PXDNL: variants seen among roughly 807,000 people sequenced by gnomAD.
PXDNL encodes the protein peroxidasin like, also known as probable oxidoreductase PXDNL.
In PXDNL, 145 loss-of-function variants were observed where a neutral mutation model predicts 150.8. The observed-to-expected ratio is 0.96, with a 90% CI of 0.84 to 1.10. PXDNL has a LOEUF of 1.10. Among genes scored for constraint, PXDNL ranks in the 50% least tolerant of loss-of-function variants. PXDNL has a pLI of 0.00. For missense variants in PXDNL, 2,087 were observed against 1,873.9 expected (o/e 1.11, Z -2.10); for synonymous variants, 757 against 725.7 (o/e 1.04, Z -0.69).
intron 3 of PXDNL, among the ~76,000 whole-genome samples, chr8:51,575,835 A>G (rs1039888521): frequency 2.0e-5 from 3 of 152,084 alleles, no homozygotes; most frequent in Non-Finnish European, 4.4e-5. Context: ...AAGTTAGGTC[A>G]TGCAAACATC....
intron 17 of PXDNL, among the ~76,000 whole-genome samples, chr8:51,399,058 T>C (rs550305325): frequency 4.6e-5 from 7 of 152,118 alleles, no homozygotes; most frequent in African/African-American, 1.7e-4. Flanking sequence ...GAAAAATCAA[T>C]AGAATATTTC....
At chr8:51,327,309 A>T (rs1805530565) in intron 21 of PXDNL, among the ~76,000 whole-genome samples, 1 of 152,238 alleles carries the variant, frequency 6.6e-6, no homozygotes, top group African/African-American at 2.4e-5. Flanking sequence ...CGCCAGTGAA[A>T]GAAAAAACTC....
chr8:51,439,738 T>C (rs892638034), intron 12 of PXDNL, among the ~76,000 whole-genome samples: 3 of 151,138 alleles, frequency 2.0e-5, no homozygotes, highest in Non-Finnish European at 2.9e-5. Context: ...GGCAGGAGAA[T>C]TGCTTGAACC....
intron 8 of PXDNL, among the ~76,000 whole-genome samples, chr8:51,465,278 C>T (rs193146726): frequency 1.3e-5 from 2 of 152,120 alleles, no homozygotes. Flanking sequence ...TCATTCACCA[C>T]ATAAACAGAA....
At chr8:51,806,431 G>A (rs2037675984) in intron 1 of PXDNL, among the ~76,000 whole-genome samples, 2 of 152,092 alleles carry the variant, frequency 1.3e-5, no homozygotes, top group South Asian at 2.1e-4. Flanking sequence ...GCTTCCATTT[G>A]CCTTAGTTTT....
intron 22 of PXDNL, 134 bp from the exon 23 acceptor site, chr8:51,320,156 A>G (rs1045809565): frequency 1.3e-6 from 1 of 773,350 alleles, no homozygotes; most frequent in Non-Finnish European, 1.8e-6. Flanking sequence ...TCATAGTATG[A>G]GCTCATTTTT....
At chr8:51,410,215 C>T (rs893839400) in intron 16 of PXDNL, among the ~76,000 whole-genome samples, 31 of 152,192 alleles carry the variant, frequency 2.0e-4, no homozygotes, top group African/African-American at 7.0e-4. Context: ...GGCAAACGGG[C>T]AAAATAATAA....
chr8:51,710,912 C>A (rs972475224), intron 1 of PXDNL, among the ~76,000 whole-genome samples: 3 of 152,206 alleles, frequency 2.0e-5, no homozygotes, highest in Admixed American at 2.0e-4. Context: ...ACAGCCCTCA[C>A]ACTCCATGGT....
At chr8:51,676,707 C>T (rs934481093) in intron 1 of PXDNL, among the ~76,000 whole-genome samples, 7 of 151,676 alleles carry the variant, frequency 4.6e-5, no homozygotes, top group African/African-American at 1.7e-4. Flanking sequence ...TGCCAAATGC[C>T]TCCATCTCTT....
At chr8:51,381,382 AT>A (rs1262864016) in intron 17 of PXDNL, among the ~76,000 whole-genome samples, 3 of 151,606 alleles carry the variant, frequency 2.0e-5, no homozygotes, top group African/African-American at 2.4e-5. Context: ...AAAAAAAAAA[AT>A]TTTGTCCAAG....
chr8:51,486,782 ATATATATATATATTTTTTTTTTTTT>A (rs1366198216), intron 5 of PXDNL, among the ~76,000 whole-genome samples: 10 of 21,414 alleles, frequency 4.7e-4, no homozygotes, highest in African/African-American at 1.6e-3. Context: ...ATATATATAT[ATATATATATATATTTTTTTTTTTTT>A]TTTTTTTTTT....
In PXDNL at chr8:51,409,517, T is replaced by C. The variant is rs557608807; in HGVS notation, c.2107A>G (p.Ile703Val). The C allele has an allele frequency of 2.5e-6, 4 of 1,610,404 alleles. No individual in the cohort carries two copies. In the South Asian group the frequency reaches 4.4e-5, roughly 18 times the overall value. The change falls in exon 17 of 23, where the codon ATC becomes GTC. Residue 703 changes from isoleucine (I) to valine (V), a missense_variant. Transcript: ENST00000356297. ...GCTGTGCATCCAGATAAATTGGCGA[T>C]GAGGCTGAGGGAGCGCGGGGACACC... The part of the protein sequence containing the change: ...DLVSPRSLSL[I>V]ANLSGCTARR...
At chr8:51,537,964 C>T (rs1812121739) in intron 4 of PXDNL, among the ~76,000 whole-genome samples, 1 of 152,182 alleles carries the variant, frequency 6.6e-6, no homozygotes, top group Non-Finnish European at 1.5e-5. Flanking sequence ...AAAGGATGCT[C>T]TCACAACTTA....
chr8:51,384,778 T>C (rs1029503876), intron 17 of PXDNL, among the ~76,000 whole-genome samples: 3 of 152,130 alleles, frequency 2.0e-5, no homozygotes, highest in African/African-American at 7.2e-5. Context: ...CTAAGCTATT[T>C]ATATAAGATT....
chr8:51,768,693 T>C (rs937127039), intron 1 of PXDNL, among the ~76,000 whole-genome samples: 1 of 152,246 alleles, frequency 6.6e-6, no homozygotes, highest in Non-Finnish European at 1.5e-5. Flanking sequence ...ATCATTTATA[T>C]GCAGATATGT....
In PXDNL at chr8:51,377,145, A is replaced by ACAC. The variant is rs1358819431; in HGVS notation, c.3558-2415_3558-2414insGTG. The stretch of plus-strand genomic sequence containing the variant: ...ACACACACACACACACACACACACA[A>ACAC]AGCCAAAGCCATTTCTGGACACTCT... On this transcript the variant is annotated intron_variant, in intron 17 of 22. Transcript: ENST00000356297. Among the ~76,000 whole-genome samples, 10 of 57,938 alleles carry ACAC rather than the reference A, an allele frequency of 1.7e-4. No individual in the cohort carries two copies. The South Asian group carries it at 3.4e-3, about 20-fold the overall frequency. 38.0% of individuals were successfully genotyped at this position (57,938 alleles called of 152,430 possible). A position where few individuals can be genotyped will look rare whatever the true frequency, so the allele number is the denominator to read the frequency against.
intron 2 of PXDNL, among the ~76,000 whole-genome samples, chr8:51,601,745 G>T (rs1813725864): frequency 6.6e-6 from 1 of 151,354 alleles, no homozygotes; most frequent in Non-Finnish European, 1.5e-5. Flanking sequence ...GTAAGAGTTT[G>T]ACCCTATTAC....
chr8:51,509,041 C>T (rs1811351912), intron 4 of PXDNL, among the ~76,000 whole-genome samples: 1 of 152,170 alleles, frequency 6.6e-6, no homozygotes, highest in Non-Finnish European at 1.5e-5. Flanking sequence ...GCCTAGTGTA[C>T]AGCAAAGCAA....
In PXDNL at chr8:51,409,066, C is replaced by CG. The variant is rs946500595; in HGVS notation, c.2557dup (p.Arg853ProfsTer168). The CG allele has an allele frequency of 4.3e-6, 7 of 1,609,442 alleles. No homozygotes were observed. Among genetic ancestry groups the CG allele is most frequent in the Non-Finnish European group, 5.1e-6 (6 of 1,179,426 alleles). On this transcript the variant is annotated frameshift_variant, in exon 17 of 23. Coordinates refer to ENST00000356297, the MANE Select transcript of PXDNL (RefSeq NM_144651.5). LOFTEE classifies it high-confidence loss of function. ...GAGCATGCAGGGCGCGTGGGTGCCC[C>CG]GGGGGTCGGCGTGCCGGGTGTTCAT... is the stretch of plus-strand genomic sequence containing the variant.
Sources: gnomAD v4.1 joint callset for allele counts (sites outside exome capture counted in the v4.1 genomes callset) on GRCh38, gnomAD v4.1.1 for gene constraint, MANE v1.5 for transcripts, NCBI Gene and HGNC (gene_info 2026-07-23, HGNC 2026-07-21) for gene names.